ERBB4: variants seen among roughly 807,000 people sequenced by gnomAD.
The protein encoded by ERBB4 is receptor tyrosine-protein kinase erbB-4.
ERBB4 carries 42 observed loss-of-function variants against 158.0 expected under a neutral mutation model. The ratio of observed to expected loss-of-function variants is 0.27; its 90% CI spans 0.21 to 0.34. The LOEUF (loss-of-function observed/expected upper bound fraction) is 0.34, where lower values mean the gene tolerates loss of function less well. ERBB4 is among the 10% of genes least tolerant of loss of function. ERBB4 has a pLI of 1.00. For missense variants in ERBB4, 1,333 were observed against 1,624.1 expected (o/e 0.82, Z 3.08); for synonymous variants, 583 against 558.7 (o/e 1.04, Z -0.61).
chr2:211,507,397 G>A (rs1294135031), intron 20 of ERBB4, among the ~76,000 whole-genome samples: 2 of 152,018 alleles, frequency 1.3e-5, no homozygotes, highest in Middle Eastern at 3.2e-3. Context: ...ATCAGGCAAG[G>A]ATACAAGAAA....
Position 211,909,698 on chromosome 2 carries a change from G to C in ERBB4, c.421+37732C>G, listed in dbSNP as rs540994524. 7.2e-5 allele frequency among the ~76,000 whole-genome samples: 11 copies of C among 151,792 alleles called. No individual in the cohort carries two copies. In the East Asian group the frequency reaches 2.2e-3, roughly 30 times the overall value. Reference sequence around the variant, plus strand: ...TTGAGACCACCATGGTATATGTAATGTGCTGTTGATGAAAATGTTGTTAGG... The same window carrying C: ...TTGAGACCACCATGGTATATGTAATCTGCTGTTGATGAAAATGTTGTTAGG... On this transcript the variant is annotated intron_variant, in intron 3 of 27. Transcript: ENST00000342788.
rs1192377827 is a variant in ERBB4, at chr2:211,420,591, A to G, written c.2985T>C (p.Leu995=). 1 of 1,611,766 alleles carries G rather than the reference A, an allele frequency of 6.2e-7. No individual in the cohort carries two copies. The highest frequency in any genetic ancestry group is 1.1e-5 in the South Asian group (1 of 91,028). ...AGAACTTGCTGTCATTTGGACTGGG[A>G]AGCTTCATACGATCATCACCCTAAA... is the stretch of plus-strand genomic sequence containing the variant. ...LVIQGDDRMK[L]PSPNDSKFFQ... Residue 995 remains leucine (L), a synonymous_variant, in exon 25 of 28, where the codon CTT becomes CTC. Coordinates refer to ENST00000342788, the MANE Select transcript of ERBB4 (RefSeq NM_005235.3).
At chr2:211,683,579 C>T (rs929582968) in intron 12 of ERBB4, among the ~76,000 whole-genome samples, 1 of 152,012 alleles carries the variant, frequency 6.6e-6, no homozygotes, top group African/African-American at 2.4e-5. Flanking sequence ...TATCTATTTA[C>T]CCATGAAAGG....
intron 25 of ERBB4, among the ~76,000 whole-genome samples, chr2:211,399,366 A>T (rs2062986585): frequency 2.0e-5 from 3 of 152,208 alleles, no homozygotes; most frequent in South Asian, 2.1e-4. Flanking sequence ...AGGAGAGATT[A>T]AAAAATGTCT....
At chr2:212,038,356 A>G (rs2077062755) in intron 2 of ERBB4, among the ~76,000 whole-genome samples, 1 of 152,082 alleles carries the variant, frequency 6.6e-6, no homozygotes, top group South Asian at 2.1e-4. Context: ...CAACTTTATA[A>G]TTCTAGTCAA....
intron 1 of ERBB4, among the ~76,000 whole-genome samples, chr2:212,488,537 T>G (rs188908202): frequency 9.2e-5 from 14 of 152,158 alleles, no homozygotes; most frequent in African/African-American, 3.1e-4. Flanking sequence ...GACACTATAC[T>G]TCAAGGCACC....
intron 20 of ERBB4, among the ~76,000 whole-genome samples, chr2:211,462,573 T>TA (rs1163137526): frequency 1.3e-5 from 2 of 152,106 alleles, no homozygotes; most frequent in Non-Finnish European, 2.9e-5. Context: ...AAGGGTTTTT[T>TA]AAGGAAATGA....
At chr2:211,961,694 G>C (rs982530959) in intron 2 of ERBB4, among the ~76,000 whole-genome samples, 8 of 152,128 alleles carry the variant, frequency 5.3e-5, no homozygotes, top group Non-Finnish European at 4.4e-5. Flanking sequence ...TCTGGATCCA[G>C]CTGCCATTTG....
chr2:211,987,486 G>T (rs550479667), intron 2 of ERBB4, among the ~76,000 whole-genome samples: 1 of 151,810 alleles, frequency 6.6e-6, no homozygotes, highest in Admixed American at 6.6e-5. Context: ...CAGGTTAAAC[G>T]AATCTTAAAG....
chr2:212,475,374 C>T (rs1414480137), intron 1 of ERBB4, among the ~76,000 whole-genome samples: 3 of 152,132 alleles, frequency 2.0e-5, no homozygotes, highest in African/African-American at 7.2e-5. Context: ...GTCCTTCATC[C>T]TCTGTAAAAT....
At chr2:212,117,539 T>C (rs1287249239) in intron 2 of ERBB4, among the ~76,000 whole-genome samples, 1 of 152,204 alleles carries the variant, frequency 6.6e-6, no homozygotes, top group Non-Finnish European at 1.5e-5. Context: ...ATTTACTTGT[T>C]CACCTTTTGA....
chr2:211,716,647 G>T (rs1004320751), intron 7 of ERBB4, among the ~76,000 whole-genome samples: 16 of 152,010 alleles, frequency 1.1e-4, no homozygotes, highest in African/African-American at 3.9e-4. Flanking sequence ...CTGCATTCCG[G>T]CCTGGGCGAC....
intron 20 of ERBB4, among the ~76,000 whole-genome samples, chr2:211,534,607 C>T (rs2066593912): frequency 6.6e-6 from 1 of 152,034 alleles, no homozygotes; most frequent in Admixed American, 6.5e-5. Context: ...AGGGATGCTG[C>T]TTTGTAACAG....
chr2:212,258,040 T>A (rs1302377798), intron 1 of ERBB4, among the ~76,000 whole-genome samples: 1 of 152,134 alleles, frequency 6.6e-6, no homozygotes, highest in Non-Finnish European at 1.5e-5. Context: ...TGCTTAACAA[T>A]ATTTCAAAAC....
chr2:211,578,827 G>A (rs1374157928), intron 19 of ERBB4, among the ~76,000 whole-genome samples: 2 of 152,126 alleles, frequency 1.3e-5, no homozygotes, highest in African/African-American at 2.4e-5. Context: ...AGATTGAAAT[G>A]TAAAACCCAA....
intron 5 of ERBB4, among the ~76,000 whole-genome samples, chr2:211,729,331 T>C (rs2074362857): frequency 6.6e-6 from 1 of 151,776 alleles, no homozygotes; most frequent in Non-Finnish European, 1.5e-5. Flanking sequence ...AATTGATTTT[T>C]TTCAAAGTAA....
intron 1 of ERBB4, among the ~76,000 whole-genome samples, chr2:212,312,721 TATTAA>T (rs903611782): frequency 2.6e-5 from 4 of 151,092 alleles, no homozygotes; most frequent in African/African-American, 9.7e-5. Flanking sequence ...TATCTGAATA[TATTAA>T]ATTGAACAGC....
chr2:211,487,808 A>C (rs2065243171), intron 20 of ERBB4, among the ~76,000 whole-genome samples: 2 of 152,074 alleles, frequency 1.3e-5, no homozygotes, highest in African/African-American at 4.8e-5. Flanking sequence ...GTTATGGAAA[A>C]GGAGAGGAGC....
intron 3 of ERBB4, among the ~76,000 whole-genome samples, chr2:211,828,313 T>G (rs1462025159): frequency 2.0e-5 from 3 of 152,122 alleles, no homozygotes; most frequent in African/African-American, 7.2e-5. Context: ...AGGATGGTTG[T>G]ATGGTTATCA....
Sources: gnomAD v4.1 joint callset for allele counts (sites outside exome capture counted in the v4.1 genomes callset) on GRCh38, gnomAD v4.1.1 for gene constraint, MANE v1.5 for transcripts, NCBI Gene and HGNC (gene_info 2026-07-23, HGNC 2026-07-21) for gene names.